Variants in NME7 observed in about 807,000 individuals in gnomAD.
NME7 encodes NME/NM23 family member 7, also known as nucleoside diphosphate kinase 7.
NME7 carries 41 observed loss-of-function variants against 49.1 expected under a neutral mutation model. That is an observed-to-expected ratio of 0.83 (90% CI 0.65 to 1.08). The LOEUF is 1.08. NME7 is among the 50% of genes least tolerant of loss of function. NME7 has a pLI of 0.00. For missense variants in NME7, 423 were observed against 463.4 expected (o/e 0.91, Z 0.80); for synonymous variants, 139 against 150.6 (o/e 0.92, Z 0.56).
chr1:169,252,866 A>G (rs1392346798), intron 7 of NME7, among the ~76,000 whole-genome samples: 7 of 148,822 alleles, frequency 4.7e-5, no homozygotes, highest in African/African-American at 1.2e-4. Context: ...AAGATCAGAT[A>G]GTTGTAGATA....
At chr1:169,264,832 C>T (rs980831925) in intron 7 of NME7, among the ~76,000 whole-genome samples, 8 of 132,326 alleles carry the variant, frequency 6.0e-5, no homozygotes, top group African/African-American at 1.8e-4. Flanking sequence ...TGTATTAGTC[C>T]GTACTCATGC....
intron 10 of NME7, among the ~76,000 whole-genome samples, chr1:169,208,744 GTTAA>G (rs1402926679): frequency 1.3e-5 from 2 of 152,070 alleles, no homozygotes; most frequent in African/African-American, 4.8e-5. Flanking sequence ...AGTAAATTAT[GTTAA>G]TTAATTAGTA....
chr1:169,358,386 A>C lies in NME7; in HGVS notation c.3+9322T>G, dbSNP rs58809384. ...AAAAAGATTACATAACACACAGCTC[A>C]TAAGTGCTTAAGCCAGGACTGGAAT... On this transcript the variant is annotated intron_variant, in intron 1 of 11. Transcript: ENST00000367811. Among the ~76,000 whole-genome samples, 9,099 of 152,108 alleles carry C rather than the reference A, an allele frequency of 0.06. 1,406 individuals carry two copies. The East Asian group carries it at 0.67, about 11-fold the overall frequency.
chr1:169,235,627 C>T lies in NME7; in HGVS notation c.820-428G>A, dbSNP rs528860543. Among the ~76,000 whole-genome samples, 9 of 152,100 alleles carry T rather than the reference C, an allele frequency of 5.9e-5. No individual in the cohort carries two copies. The South Asian group carries it at 1.2e-3, about 21-fold the overall frequency. On this transcript the variant is annotated intron_variant, in intron 8 of 11. Transcript: ENST00000367811. ...CTTGATACAAAAGAAGATTTATATGCAATATTAATTATACTATTGATAGAT... is the reference window on the plus strand; with the variant it reads ...CTTGATACAAAAGAAGATTTATATGTAATATTAATTATACTATTGATAGAT...
intron 8 of NME7, 143 bp from the exon 9 acceptor site, chr1:169,235,342 G>C (rs1362798089): frequency 4.1e-6 from 2 of 492,566 alleles, no homozygotes; most frequent in Non-Finnish European, 7.2e-6. Context: ...TGAAGAAAAA[G>C]TGTTATTAAA....
At chr1:169,343,663 T>G (rs927638052) in intron 1 of NME7, among the ~76,000 whole-genome samples, 1 of 152,050 alleles carries the variant, frequency 6.6e-6, no homozygotes, top group African/African-American at 2.4e-5. Context: ...GGCTAATTTT[T>G]TTTGTATTTT....
At chr1:169,244,082 G>A (rs1279122203) in intron 7 of NME7, among the ~76,000 whole-genome samples, 1 of 151,952 alleles carries the variant, frequency 6.6e-6, no homozygotes, top group South Asian at 2.1e-4. Context: ...TGTATATACA[G>A]CTATGAAACA....
chr1:169,132,948 A>G (rs1317834109), intron 11 of NME7, 131 bp from the exon 12 acceptor site: 4 of 610,800 alleles, frequency 6.5e-6, no homozygotes, highest in Middle Eastern at 2.6e-4. Flanking sequence ...AAGTTAATCA[A>G]TCAATCAGAG....
intron 11 of NME7, among the ~76,000 whole-genome samples, chr1:169,139,796 TA>T (rs1658536132): frequency 6.6e-6 from 1 of 152,210 alleles, no homozygotes; most frequent in Non-Finnish European, 1.5e-5. Context: ...ATAGCATACA[TA>T]ATTATTCAAG....
At chr1:169,153,782 C>T (rs1456985430) in intron 11 of NME7, among the ~76,000 whole-genome samples, 3 of 151,906 alleles carry the variant, frequency 2.0e-5, no homozygotes, top group South Asian at 4.2e-4. Context: ...ACTGCAATCT[C>T]GAACCTCCCA....
At chr1:169,235,338 A>G (rs1390406660) in intron 8 of NME7, 139 bp from the exon 9 acceptor site, 3 of 492,298 alleles carry the variant, frequency 6.1e-6, no homozygotes. Flanking sequence ...TCTTTGAAGA[A>G]AAAGTGTTAT....
chr1:169,207,301 G>T (rs1358872218), intron 10 of NME7, among the ~76,000 whole-genome samples: 1 of 152,144 alleles, frequency 6.6e-6, no homozygotes, highest in Non-Finnish European at 1.5e-5. Flanking sequence ...AGCCATTCAT[G>T]AGGGATCTGC....
In NME7 at chr1:169,359,957, G is replaced by T. The variant is rs1653599002; in HGVS notation, c.3+7751C>A. ...GTTTCTCACATCTAATTAACAGAAA[G>T]TTTTAAATATTGACAACTTTGGAAG... On this transcript the variant is annotated intron_variant, in intron 1 of 11. Transcript: ENST00000367811. Among the ~76,000 whole-genome samples the T allele has an allele frequency of 2.0e-5, 3 of 152,114 alleles. No individual in the cohort carries two copies. In the South Asian group the frequency reaches 6.2e-4, roughly 32 times the overall value.
intron 7 of NME7, among the ~76,000 whole-genome samples, chr1:169,259,103 A>G (rs917285922): frequency 3.0e-5 from 4 of 134,204 alleles, no homozygotes; most frequent in African/African-American, 1.0e-4. Flanking sequence ...TACATTTTAC[A>G]TTGTAAAATA....
At chr1:169,146,699 C>G (rs763949500) in intron 11 of NME7, among the ~76,000 whole-genome samples, 9 of 152,150 alleles carry the variant, frequency 5.9e-5, no homozygotes, top group Non-Finnish European at 1.2e-4. Context: ...CTTCCACAGC[C>G]ATTTGTCAAT....
intron 1 of NME7, among the ~76,000 whole-genome samples, chr1:169,334,424 C>G (rs1162524538): frequency 1.3e-5 from 2 of 152,166 alleles, no homozygotes; most frequent in African/African-American, 4.8e-5. Flanking sequence ...CTACAACCAT[C>G]TCATCTTTGA....
chr1:169,280,613 T>C (rs530030027), intron 7 of NME7, among the ~76,000 whole-genome samples: 1 of 147,872 alleles, frequency 6.8e-6, no homozygotes, highest in Admixed American at 6.7e-5. Context: ...CTTTGATCCA[T>C]CTTGAGTTGA....
chr1:169,191,567 CTT>C (rs1304895241), intron 10 of NME7, among the ~76,000 whole-genome samples: 1 of 152,102 alleles, frequency 6.6e-6, no homozygotes, highest in Non-Finnish European at 1.5e-5. Context: ...GTTATAAAGA[CTT>C]TTGCTTTTCA....
intron 1 of NME7, among the ~76,000 whole-genome samples, chr1:169,356,294 T>G (rs980858630): frequency 9.2e-5 from 14 of 152,232 alleles, no homozygotes; most frequent in African/African-American, 3.4e-4. Flanking sequence ...AATGGCAGAT[T>G]TGCAAAGCTT....
Sources: allele counts gnomAD v4.1 joint callset (sites outside exome capture counted in the v4.1 genomes callset), GRCh38; gene constraint gnomAD v4.1.1; transcripts MANE v1.5; gene names NCBI Gene and HGNC (gene_info 2026-07-23, HGNC 2026-07-21).